The following VEGFB variants were observed in gnomAD, a reference collection of about 807,000 sequenced individuals.
VEGFB encodes vascular endothelial growth factor B, also known as VEGF-related factor.
A neutral mutation model predicts 22.5 loss-of-function variants in VEGFB; 24 were observed. The observed-to-expected ratio is 1.07, with a 90% CI of 0.77 to 1.50. The LOEUF (loss-of-function observed/expected upper bound fraction) is 1.50. Among genes scored for constraint, VEGFB ranks in the 40% most tolerant of loss-of-function variants. The probability of loss-of-function intolerance (pLI) is 0.00; values close to 1 mark genes in which losing one functional copy is unlikely to be tolerated. For missense variants in VEGFB, 327 were observed against 287.8 expected (o/e 1.14, Z -0.99); for synonymous variants, 141 against 117.4 (o/e 1.20, Z -1.30).
At chr11:64,236,818 C>A (rs1051044152) in intron 4 of VEGFB, among the ~76,000 whole-genome samples, 1 of 148,438 alleles carries the variant, frequency 6.7e-6, no homozygotes, top group Non-Finnish European at 1.5e-5. Context: ...GTGGCTCACA[C>A]CTATAATCCC....
intron 6 of VEGFB, chr11:64,238,039 C>G: frequency 3.9e-6 from 2 of 518,452 alleles, no homozygotes; most frequent in Non-Finnish European, 6.9e-6. Context: ...CTGCCCTTAC[C>G]TACGGGCTTC....
At position 64,237,594 on chromosome 11, in the gene VEGFB, C is replaced by CGCTGCT; in HGVS notation, c.586_587insCTGCTG (p.Ala194_Ala195dup). 3 of 1,592,292 alleles carry CGCTGCT rather than the reference C, an allele frequency of 1.9e-6. No homozygotes were observed. The highest frequency in any genetic ancestry group is 2.6e-6 in the Non-Finnish European group (3 of 1,173,934). On this transcript the variant is annotated inframe_insertion, in exon 6 of 7. Coordinates refer to ENST00000309422, the MANE Select transcript of VEGFB (RefSeq NM_003377.5). ...CCCCCGGACCTGCCGCTGCCGCTGC[C>CGCTGCT]GACGCCGCAGCTTCCTCCGTTGCCA...
chr11:64,236,848 G>T (rs1043753118), intron 4 of VEGFB, among the ~76,000 whole-genome samples: 6 of 149,600 alleles, frequency 4.0e-5, no homozygotes, highest in African/African-American at 9.7e-5. Context: ...GGAGGCCCAG[G>T]CAGGCAGATC....
rs143512442 is a variant in VEGFB, at chr11:64,236,355, C to T, written c.374+28C>T. ...GCCAGCCAGGCCCAACTTCTGAGCTCGCAGAGGCCAGGCTTGGGGGGTGCT... is the reference window on the plus strand; with the variant it reads ...GCCAGCCAGGCCCAACTTCTGAGCTTGCAGAGGCCAGGCTTGGGGGGTGCT... On this transcript the variant is annotated intron_variant, in intron 4 of 6. Coordinates refer to ENST00000309422, the MANE Select transcript of VEGFB (RefSeq NM_003377.5). 646 of 1,610,442 alleles carry T rather than the reference C, an allele frequency of 4.0e-4. 2 individuals carry two copies. The African/African-American group carries it at 7.1e-3, about 18-fold the overall frequency.
At position 64,234,791 on chromosome 11, in the gene VEGFB, A is replaced by C; in HGVS notation, c.-43A>C. 1 of 1,021,102 alleles carries C rather than the reference A, an allele frequency of 9.8e-7. No homozygotes were observed. Among genetic ancestry groups the C allele is most frequent in the Non-Finnish European group, 1.2e-6 (1 of 842,910 alleles). 63.3% of individuals were successfully genotyped at this position (1,021,102 alleles called of 1,614,324 possible). A position where few individuals can be genotyped will look rare whatever the true frequency, so the allele number is the denominator to read the frequency against. ...TCGCCGCCCCCCGCGCCGCCGGGCT[A>C]GGGCGATGCGGGCGCCCCCGGCGGG... is the stretch of plus-strand genomic sequence containing the variant. On this transcript the variant is annotated 5_prime_UTR_variant, in exon 1 of 7. An upstream open reading frame in the 5' UTR loses its in-frame stop. Coordinates refer to ENST00000309422, the MANE Select transcript of VEGFB (RefSeq NM_003377.5). The surrounding 1 kb of genome is among the most constrained non-coding windows in gnomAD (Gnocchi z 5.3).
In VEGFB at chr11:64,236,277, C is replaced by T. The variant is rs201075965; in HGVS notation, c.324C>T (p.Ser108=). The T allele has an allele frequency of 3.6e-5, 58 of 1,613,854 alleles. No homozygotes were observed. Among genetic ancestry groups the T allele is most frequent in the East Asian group, 2.2e-5 (1 of 44,896 alleles). Residue 108 remains serine (S), a synonymous_variant, in exon 4 of 7, where the codon AGC becomes AGT. Transcript: ENST00000309422. ...RMQILMIRYP[S]SQLGEMSLEE... ...AGATCCTCATGATCCGGTACCCGAG[C>T]AGTCAGCTGGGGGAGATGTCCCTGG...
rs140652999 is a variant in VEGFB, at chr11:64,237,506, C to A, written c.497C>A (p.Thr166Asn). Residue 166 changes from threonine to asparagine, a missense_variant, in exon 6 of 7, where the codon ACC becomes AAC. Coordinates refer to ENST00000309422, the MANE Select transcript of VEGFB (RefSeq NM_003377.5). ...GGAGCACCCTCCCCAGCTGACATCA[C>A]CCATCCCACTCCAGCCCCAGGCCCC... ...APGAPSPADI[T>N]HPTPAPGPSA... 1,269 of 1,612,144 alleles carry A rather than the reference C, an allele frequency of 7.9e-4. No individual in the cohort carries two copies. The highest frequency in any genetic ancestry group is 9.9e-4 in the Non-Finnish European group (1,171 of 1,179,922).
intron 4 of VEGFB, 90 bp from the exon 5 acceptor site, chr11:64,237,097 G>C (rs1293717246): frequency 6.9e-6 from 2 of 289,718 alleles, no homozygotes; most frequent in African/African-American, 3.2e-5. Flanking sequence ...GAGAGAGAGA[G>C]AGAGAGAGAG....
rs951719516 is a variant in VEGFB, at chr11:64,234,939, C to T, written c.60+46C>T. 7.9e-6 allele frequency: 10 copies of T among 1,266,332 alleles called. No homozygotes were observed. Among genetic ancestry groups the T allele is most frequent in the Middle Eastern group, 3.0e-4 (1 of 3,312 alleles). The allele number at this position is 1,266,332 out of a possible 1,614,324, so 78.4% of individuals were successfully genotyped here. Reference sequence around the variant, plus strand: ...CGCCCGCCCGCCCGCCGTGCCCTCTCTCAAGGTTGGCGGAAGTGAGGAGGC... The same window carrying T: ...CGCCCGCCCGCCCGCCGTGCCCTCTTTCAAGGTTGGCGGAAGTGAGGAGGC... On this transcript the variant is annotated intron_variant, in intron 1 of 6. Coordinates refer to ENST00000309422, the MANE Select transcript of VEGFB (RefSeq NM_003377.5). This position sits in a 1 kb window ranked among gnomAD's most constrained non-coding sequence, Gnocchi z 5.3.
At chr11:64,236,675 C>T (rs1350474303) in intron 4 of VEGFB, among the ~76,000 whole-genome samples, 1 of 142,762 alleles carries the variant, frequency 7.0e-6, no homozygotes, top group African/African-American at 2.6e-5. Context: ...CAAGATCGTG[C>T]CACTGCATTC....
chr11:64,237,790 C>A, intron 6 of VEGFB, 135 bp downstream of exon 6: 2 of 826,768 alleles, frequency 2.4e-6, no homozygotes, highest in Non-Finnish European at 3.6e-6. Context: ...AAATATTTAC[C>A]AAACAGCTGC....
In VEGFB at chr11:64,237,501, C is replaced by T. The variant is rs2030191978; in HGVS notation, c.492C>T (p.Asp164=). 2 of 1,612,324 alleles carry T rather than the reference C, an allele frequency of 1.2e-6. No individual in the cohort carries two copies. Among genetic ancestry groups the T allele is most frequent in the African/African-American group, 1.3e-5 (1 of 74,900 alleles). The change falls in exon 6 of 7, where the codon GAC becomes GAT. Residue 164 remains aspartate, a synonymous_variant. Transcript: ENST00000309422. ...DSAPGAPSPA[D]ITHPTPAPGP... is the part of the protein sequence containing the mutation. ...CCCCCGGAGCACCCTCCCCAGCTGA[C>T]ATCACCCATCCCACTCCAGCCCCAG...
chr11:64,237,896 A>G (rs1399765591), intron 6 of VEGFB: 1 of 517,660 alleles, frequency 1.9e-6, no homozygotes, highest in Non-Finnish European at 3.4e-6. Flanking sequence ...GGCTGTGGTG[A>G]GGGGTACCTG....
chr11:64,234,909 C>A lies in VEGFB; in HGVS notation c.60+16C>A. 1 of 1,278,422 alleles carries A rather than the reference C, an allele frequency of 7.8e-7. No homozygotes were observed. The allele number at this position is 1,278,422 out of a possible 1,614,324, so 79.2% of individuals were successfully genotyped here. A position where few individuals can be genotyped will look rare whatever the true frequency, so the allele number is the denominator to read the frequency against. ...CCCCGCCCAGGTACGTGCGGCCCGA[C>A]AGCGCGCCCGCCCGCCCGCCGTGCC... On this transcript the variant is annotated intron_variant, in intron 1 of 6. Coordinates refer to ENST00000309422, the MANE Select transcript of VEGFB (RefSeq NM_003377.5). This position sits in a 1 kb window ranked among gnomAD's most constrained non-coding sequence, Gnocchi z 5.3.
At chr11:64,235,752 G>A (rs546450414) in intron 2 of VEGFB, 61 bp from the exon 3 acceptor site, 2 of 1,594,278 alleles carry the variant, frequency 1.3e-6, no homozygotes, top group East Asian at 2.2e-5. Context: ...GGGGAGGACA[G>A]ATGCTGGGAG....
chr11:64,237,826 T>A, intron 6 of VEGFB, 171 bp downstream of exon 6: 1 of 612,222 alleles, frequency 1.6e-6, no homozygotes, highest in Non-Finnish European at 2.7e-6. Context: ...TATAAGCAAG[T>A]CCAACATTCT....
At chr11:64,237,373 G>T in intron 5 of VEGFB, 47 bp from the exon 6 acceptor site, 1 of 1,548,220 alleles carries the variant, frequency 6.5e-7, no homozygotes, top group Admixed American at 1.7e-5. Context: ...CCAGCTCTAG[G>T]GAAGACTCTT....
chr11:64,235,743 G>A, intron 2 of VEGFB, 70 bp from the exon 3 acceptor site: 1 of 1,575,848 alleles, frequency 6.3e-7, no homozygotes, highest in Non-Finnish European at 8.7e-7. Flanking sequence ...TTGGGGACTG[G>A]GGAGGACAGA....
chr11:64,237,110 A>AGG (rs1555056125), intron 4 of VEGFB, 77 bp from the exon 5 acceptor site: 1 of 731,174 alleles, frequency 1.4e-6, no homozygotes, highest in South Asian at 1.9e-5. Flanking sequence ...AGAGAGAGAG[A>AGG]GAGAGAGAGA....
Sources: allele counts gnomAD v4.1 joint callset (sites outside exome capture counted in the v4.1 genomes callset), GRCh38; gene constraint gnomAD v4.1.1; non-coding constraint Gnocchi (gnomAD v3.1); transcripts MANE v1.5; gene names NCBI Gene and HGNC (gene_info 2026-07-23, HGNC 2026-07-21).